Variants in CPED1 observed in about 807,000 individuals in gnomAD.
CPED1 encodes cadherin-like and PC-esterase domain-containing protein 1.
A neutral mutation model predicts 128.2 loss-of-function variants in CPED1; 114 were observed. The ratio of observed to expected loss-of-function variants is 0.89; its 90% CI spans 0.76 to 1.04. The LOEUF (loss-of-function observed/expected upper bound fraction) is 1.04. Among genes scored for constraint, CPED1 ranks in the 50% least tolerant of loss-of-function variants. The probability of loss-of-function intolerance (pLI) is 0.00; values close to 1 mark genes in which losing one functional copy is unlikely to be tolerated. For synonymous variants in CPED1, 462 were observed against 426.7 expected (o/e 1.08, Z -1.02); for missense variants, 1,211 against 1,207.1 (o/e 1.00, Z -0.05).
In CPED1 at chr7:121,034,254, T is replaced by TC. The variant is rs1792822964; in HGVS notation, c.434-12633_434-12632insC. 2.1e-5 allele frequency among the ~76,000 whole-genome samples: 3 copies of TC among 143,702 alleles called. No individual in the cohort carries two copies. The South Asian group carries it at 6.9e-4, about 33-fold the overall frequency. The allele number at this position is 143,702 out of a possible 152,430, so 94.3% of individuals were successfully genotyped here. A position where few individuals can be genotyped will look rare whatever the true frequency, so the allele number is the denominator to read the frequency against. ...GACATCAAGTTTTTTTTTCTTTTTTTTTTTTTTTTTTGAGATGGAGTCTCG... is the reference window on the plus strand; with the variant it reads ...GACATCAAGTTTTTTTTTCTTTTTTTCTTTTTTTTTTTGAGATGGAGTCTCG... On this transcript the variant is annotated intron_variant, in intron 3 of 22. Transcript: ENST00000310396.
At chr7:121,031,529 C>T (rs1402325355) in intron 3 of CPED1, among the ~76,000 whole-genome samples, 1 of 152,130 alleles carries the variant, frequency 6.6e-6, no homozygotes, top group African/African-American at 2.4e-5. Context: ...CTTAAGTAAT[C>T]CACTCGCCTT....
intron 13 of CPED1, 65 bp downstream of exon 13, chr7:121,133,958 A>C: frequency 1.1e-6 from 1 of 897,432 alleles, no homozygotes; most frequent in South Asian, 1.6e-5. Context: ...AAAAAAATGC[A>C]AAACTATTTA....
rs974212485 is a variant in CPED1, at chr7:121,110,600, A to G, written c.918+10506A>G. On this transcript the variant is annotated intron_variant, in intron 7 of 22. Transcript: ENST00000310396. ...CTTCACATATTCAGAGAATGCCACA[A>G]CCACTGACTGTGTAACATGTTGAAC... 3.3e-5 allele frequency among the ~76,000 whole-genome samples: 5 copies of G among 152,278 alleles called. 1 individual carries two copies. Among genetic ancestry groups the G allele is most frequent in the Admixed American group, 3.3e-4 (5 of 15,290 alleles).
chr7:121,101,942 G>A (rs1794859477), intron 7 of CPED1, among the ~76,000 whole-genome samples: 1 of 152,100 alleles, frequency 6.6e-6, no homozygotes, highest in South Asian at 2.1e-4. Context: ...ATGAGATTTG[G>A]AGGGGGCAAA....
chr7:121,098,755 AAAAT>A (rs1563024790), intron 6 of CPED1, among the ~76,000 whole-genome samples: 6 of 104,928 alleles, frequency 5.7e-5, no homozygotes, highest in African/African-American at 2.4e-4. Context: ...AAAATATATA[AAAAT>A]ATATATAAAT....
chr7:121,058,300 C>T (rs73431878), intron 4 of CPED1, among the ~76,000 whole-genome samples: 1,535 of 152,054 alleles, frequency 0.01, 26 homozygotes, highest in African/African-American at 0.035. Context: ...ATTGTTTTGT[C>T]GAAGTAAGCT....
chr7:120,994,260 CCTT>C (rs1282331178), intron 2 of CPED1, among the ~76,000 whole-genome samples: 1 of 152,164 alleles, frequency 6.6e-6, no homozygotes, highest in Admixed American at 6.5e-5. Context: ...CACTGAGAAT[CCTT>C]CTCTTTAACT....
intron 14 of CPED1, among the ~76,000 whole-genome samples, chr7:121,139,076 C>G (rs1407828107): frequency 6.6e-6 from 1 of 151,780 alleles, no homozygotes; most frequent in South Asian, 2.1e-4. Flanking sequence ...ATTCTTTTTT[C>G]TTTTTTATTA....
chr7:121,195,062 A>G (rs1797240452), intron 16 of CPED1: 2 of 152,186 alleles, frequency 1.3e-5, no homozygotes, highest in South Asian at 4.1e-4. Context: ...GAGCACCATT[A>G]GTTTTCAATA....
intron 16 of CPED1, among the ~76,000 whole-genome samples, chr7:121,219,863 A>C (rs1797839712): frequency 6.6e-6 from 1 of 152,102 alleles, no homozygotes; most frequent in African/African-American, 2.4e-5. Context: ...GAAGCTTATC[A>C]ATTTTTAAAG....
intron 16 of CPED1, among the ~76,000 whole-genome samples, chr7:121,209,040 A>C (rs1443786296): frequency 1.3e-5 from 2 of 152,024 alleles, no homozygotes; most frequent in Non-Finnish European, 2.9e-5. Context: ...CCAAGGAATG[A>C]TTTTGTTGTT....
At chr7:121,172,522 T>C (rs1180500257) in intron 16 of CPED1, among the ~76,000 whole-genome samples, 1 of 152,092 alleles carries the variant, frequency 6.6e-6, no homozygotes, top group East Asian at 1.9e-4. Context: ...ATAAAATATG[T>C]TTAAAAACTT....
At chr7:121,235,473 A>C (rs1173409946) in intron 16 of CPED1, among the ~76,000 whole-genome samples, 21 of 152,054 alleles carry the variant, frequency 1.4e-4, no homozygotes, top group Admixed American at 1.2e-3. Context: ...TGGGAATCTG[A>C]GGTTAGGACA....
intron 18 of CPED1, among the ~76,000 whole-genome samples, chr7:121,245,064 T>A (rs1407392392): frequency 6.6e-6 from 1 of 152,218 alleles, no homozygotes; most frequent in Non-Finnish European, 1.5e-5. Flanking sequence ...GGACATTTCC[T>A]TATACAGTTT....
In CPED1 at chr7:120,989,817, T is replaced by G. The variant is rs373980086; in HGVS notation, c.196T>G (p.Ser66Ala). ...GGCAAGCAGATGCAAGAAAGGATTCTCTCAGGACAAACAGTGCTTCCTTCT... is the reference window on the plus strand; with the variant it reads ...GGCAAGCAGATGCAAGAAAGGATTCGCTCAGGACAAACAGTGCTTCCTTCT... ...TQASRCKKGF[S>A]QDKQCFLLSG... The change falls in exon 2 of 23, where the codon TCT becomes GCT. Residue 66 changes from serine (S) to alanine (A), a missense_variant. Transcript: ENST00000310396. 1.6e-5 allele frequency: 26 copies of G among 1,613,988 alleles called. No homozygotes were observed. The highest frequency in any genetic ancestry group is 2.0e-5 in the Non-Finnish European group (24 of 1,180,040).
At chr7:121,283,482 T>A (rs1209556529) in intron 22 of CPED1, among the ~76,000 whole-genome samples, 1 of 152,228 alleles carries the variant, frequency 6.6e-6, no homozygotes, top group Admixed American at 6.5e-5. Flanking sequence ...ATGCAATGCA[T>A]TCCAGCTCCT....
intron 13 of CPED1, among the ~76,000 whole-genome samples, chr7:121,135,411 A>C (rs1488934582): frequency 1.3e-5 from 2 of 152,040 alleles, no homozygotes; most frequent in Non-Finnish European, 2.9e-5. Context: ...AGATCTACTC[A>C]GTCAGAATCT....
Position 121,295,873 on chromosome 7 carries a change from A to G in CPED1, c.*221A>G. 2.2e-6 allele frequency: 1 copy of G among 447,732 alleles called. No homozygotes were observed. The highest frequency in any genetic ancestry group is 4.0e-6 in the Non-Finnish European group (1 of 249,972). The allele number at this position is 447,732 out of a possible 1,614,324, so 27.7% of individuals were successfully genotyped here. On this transcript the variant is annotated 3_prime_UTR_variant, in exon 23 of 23. Transcript: ENST00000310396. Reference sequence around the variant, plus strand: ...GTGACCTTGAACACCAGTCCATTTCACAGTGAAAGATATACCTAGAGAAAC... The same window carrying G: ...GTGACCTTGAACACCAGTCCATTTCGCAGTGAAAGATATACCTAGAGAAAC...
At chr7:121,179,272 A>C (rs1796850525) in intron 16 of CPED1, among the ~76,000 whole-genome samples, 1 of 152,058 alleles carries the variant, frequency 6.6e-6, no homozygotes, top group African/African-American at 2.4e-5. Context: ...ATAGCTGTGG[A>C]ATTAGTAGCT....
Sources: gnomAD v4.1 joint callset for allele counts (sites outside exome capture counted in the v4.1 genomes callset) on GRCh38, gnomAD v4.1.1 for gene constraint, MANE v1.5 for transcripts, NCBI Gene and HGNC (gene_info 2026-07-23, HGNC 2026-07-21) for gene names.